Variants in FSTL5 observed in about 807,000 individuals in gnomAD.
FSTL5 encodes follistatin like 5.
Under a neutral mutation model 89.1 loss-of-function variants are expected in FSTL5, and 62 were observed. The ratio of observed to expected loss-of-function variants is 0.70; its 90% CI spans 0.57 to 0.86. FSTL5 has a LOEUF of 0.86. Among genes scored for constraint, FSTL5 ranks in the 40% least tolerant of loss-of-function variants. FSTL5 has a pLI of 0.00. For missense variants in FSTL5, 1,057 were observed against 1,001.6 expected (o/e 1.06, Z -0.75); for synonymous variants, 383 against 346.2 (o/e 1.11, Z -1.18).
At chr4:162,108,736 GATAA>G (rs1295950402) in intron 2 of FSTL5, among the ~76,000 whole-genome samples, 1 of 151,196 alleles carries the variant, frequency 6.6e-6, no homozygotes, top group East Asian at 1.9e-4. Context: ...ACTTTAGTTT[GATAA>G]ATAAAAAGAA....
intron 6 of FSTL5, among the ~76,000 whole-genome samples, chr4:161,712,952 C>T (rs369826887): frequency 3.9e-5 from 6 of 152,238 alleles, no homozygotes; most frequent in South Asian, 2.1e-4. Flanking sequence ...GCTGGTGTCA[C>T]GCTTATTATA....
chr4:161,668,353 T>C (rs1736970279), intron 6 of FSTL5, among the ~76,000 whole-genome samples: 2 of 152,180 alleles, frequency 1.3e-5, no homozygotes, highest in African/African-American at 4.8e-5. Flanking sequence ...TTTATACTTA[T>C]GAAAGAAATC....
At chr4:161,460,311 C>T (rs1040852980) in intron 13 of FSTL5, among the ~76,000 whole-genome samples, 15 of 151,116 alleles carry the variant, frequency 9.9e-5, no homozygotes, top group African/African-American at 3.4e-4. Context: ...CATATGTATA[C>T]ATGTGCCATG....
intron 15 of FSTL5, among the ~76,000 whole-genome samples, chr4:161,398,134 T>C (rs527630280): frequency 1.3e-5 from 2 of 152,194 alleles, no homozygotes; most frequent in South Asian, 4.1e-4. Context: ...TCTGCTTTAA[T>C]AAAGCAATAA....
intron 2 of FSTL5, among the ~76,000 whole-genome samples, chr4:162,102,263 A>G (rs1731025543): frequency 6.6e-6 from 1 of 152,024 alleles, no homozygotes; most frequent in Admixed American, 6.6e-5. Flanking sequence ...ATGCTTCTTT[A>G]TCTATAAAAG....
At chr4:162,050,142 T>C (rs1738331861) in intron 2 of FSTL5, among the ~76,000 whole-genome samples, 1 of 151,806 alleles carries the variant, frequency 6.6e-6, no homozygotes, top group African/African-American at 2.4e-5. Flanking sequence ...AGTTGTAAAA[T>C]AAATTTTCCG....
At chr4:161,685,120 TACC>T (rs1560788769) in intron 6 of FSTL5, among the ~76,000 whole-genome samples, 1 of 152,196 alleles carries the variant, frequency 6.6e-6, no homozygotes. Context: ...CCTATTTTTA[TACC>T]AGTAACATGC....
chr4:161,891,088 A>G (rs199526818), intron 4 of FSTL5, among the ~76,000 whole-genome samples: 2 of 148,492 alleles, frequency 1.3e-5, no homozygotes, highest in Non-Finnish European at 1.5e-5. Flanking sequence ...TTTTTATATC[A>G]TTAACTATTG....
At chr4:161,716,589 C>T (rs1342174657) in intron 6 of FSTL5, among the ~76,000 whole-genome samples, 1 of 151,758 alleles carries the variant, frequency 6.6e-6, no homozygotes, top group East Asian at 1.9e-4. Context: ...AGAGCGAAAC[C>T]CTGTCTCAAA....
chr4:161,723,682 G>A (rs1739293084), intron 6 of FSTL5, among the ~76,000 whole-genome samples: 1 of 152,050 alleles, frequency 6.6e-6, no homozygotes. Context: ...GTGAAGATCA[G>A]TGTATACACC....
chr4:161,645,782 A>C (rs1736133823), intron 7 of FSTL5, among the ~76,000 whole-genome samples: 1 of 152,278 alleles, frequency 6.6e-6, no homozygotes, highest in African/African-American at 2.4e-5. Context: ...CTTTTGGATC[A>C]TAAATATTCT....
intron 3 of FSTL5, among the ~76,000 whole-genome samples, chr4:161,958,835 G>C (rs975320070): frequency 6.6e-6 from 1 of 152,124 alleles, no homozygotes; most frequent in Non-Finnish European, 1.5e-5. Flanking sequence ...CTGAAGACTT[G>C]AGAAATAATT....
chr4:161,519,024 T>C (rs1376460045), intron 10 of FSTL5, among the ~76,000 whole-genome samples: 1 of 152,214 alleles, frequency 6.6e-6, no homozygotes, highest in Non-Finnish European at 1.5e-5. Flanking sequence ...CTAAGTGTCC[T>C]CACATTGTGT....
intron 5 of FSTL5, among the ~76,000 whole-genome samples, chr4:161,774,732 GCTTAAA>G (rs1741344156): frequency 2.0e-5 from 3 of 151,068 alleles, no homozygotes; most frequent in Admixed American, 2.0e-4. Context: ...AGATAAAAGT[GCTTAAA>G]TTAGAAATTT....
chr4:161,476,181 T>TTTTTG lies in FSTL5; in HGVS notation c.1608+4838_1608+4839insCAAAA, dbSNP rs1553990006. ...CTTCTTCAAGTTTGCTGGTTTTTTT[T>TTTTTG]TTTTTTTGTTTGTTTGTTTTTTTGA... is the stretch of plus-strand genomic sequence containing the variant. On this transcript the variant is annotated intron_variant, in intron 13 of 15. Transcript: ENST00000306100. 7.6e-4 allele frequency among the ~76,000 whole-genome samples: 89 copies of TTTTTG among 117,838 alleles called. 6 individuals carry two copies. In the East Asian group the frequency reaches 0.018, roughly 24 times the overall value. The allele number at this position is 117,838 out of a possible 152,430, so 77.3% of individuals were successfully genotyped here.
At chr4:161,745,065 T>C (rs745867016) in intron 6 of FSTL5, among the ~76,000 whole-genome samples, 8 of 150,794 alleles carry the variant, frequency 5.3e-5, no homozygotes, top group Non-Finnish European at 1.2e-4. Flanking sequence ...GCAAAATAAA[T>C]AAATAAAAAA....
intron 4 of FSTL5, among the ~76,000 whole-genome samples, chr4:161,797,254 G>C (rs1276541119): frequency 6.6e-6 from 1 of 151,344 alleles, no homozygotes; most frequent in Non-Finnish European, 1.5e-5. Flanking sequence ...TTTTTTACTG[G>C]CTATTTTAGC....
chr4:161,592,887 C>A (rs1733876966), intron 7 of FSTL5, among the ~76,000 whole-genome samples: 1 of 152,152 alleles, frequency 6.6e-6, no homozygotes, highest in African/African-American at 2.4e-5. Context: ...ACACTCCCAC[C>A]AACACTGTAA....
intron 15 of FSTL5, among the ~76,000 whole-genome samples, chr4:161,427,118 A>G (rs908151813): frequency 6.6e-6 from 1 of 152,242 alleles, no homozygotes; most frequent in African/African-American, 2.4e-5. Context: ...AGGCAACTTT[A>G]CAGTTTCGTC....
Sources: allele counts gnomAD v4.1 joint callset (sites outside exome capture counted in the v4.1 genomes callset), GRCh38; gene constraint gnomAD v4.1.1; transcripts MANE v1.5; gene names NCBI Gene and HGNC (gene_info 2026-07-23, HGNC 2026-07-21).